Variants in PPP2R3A observed in about 807,000 individuals in gnomAD.
The protein encoded by PPP2R3A is protein phosphatase 2 regulatory subunit B''alpha, also known as serine/threonine-protein phosphatase 2A regulatory subunit B'' subunit alpha.
Under a neutral mutation model 106.9 loss-of-function variants are expected in PPP2R3A, and 80 were observed. That is an observed-to-expected ratio of 0.75 (90% CI 0.62 to 0.90). PPP2R3A has a LOEUF of 0.90. PPP2R3A is among the 40% of genes least tolerant of loss of function. The pLI, the probability that PPP2R3A is intolerant of heterozygous loss-of-function variation, is 0.00. For missense variants in PPP2R3A, 1,386 were observed against 1,350.4 expected (o/e 1.03, Z -0.41); for synonymous variants, 483 against 468.3 (o/e 1.03, Z -0.41).
intron 13 of PPP2R3A, among the ~76,000 whole-genome samples, chr3:136,141,483 T>A (rs893481384): frequency 2.0e-5 from 3 of 152,180 alleles, no homozygotes; most frequent in African/African-American, 7.2e-5. Flanking sequence ...TCCCTACCCC[T>A]TAGGTTTTCT....
chr3:136,022,944 A>G, intron 2 of PPP2R3A: 2 of 1,508,650 alleles, frequency 1.3e-6, no homozygotes, highest in Admixed American at 2.5e-5. Flanking sequence ...CAATGCTTGA[A>G]TTTCATTTCT....
At chr3:136,039,034 GA>G (rs949356919) in intron 3 of PPP2R3A, among the ~76,000 whole-genome samples, 83 of 152,214 alleles carry the variant, frequency 5.5e-4, no homozygotes, top group African/African-American at 1.8e-3. Flanking sequence ...CCCTTGGCTT[GA>G]ATCTTGCCTT....
At chr3:135,993,286 A>G (rs1933252138) in intron 1 of PPP2R3A, among the ~76,000 whole-genome samples, 1 of 152,182 alleles carries the variant, frequency 6.6e-6, no homozygotes, top group Admixed American at 6.6e-5. Context: ...ATATATATGA[A>G]TTTTTAATAA....
chr3:136,138,263 A>G (rs1410135116), intron 13 of PPP2R3A, among the ~76,000 whole-genome samples: 1 of 152,186 alleles, frequency 6.6e-6, no homozygotes, highest in Non-Finnish European at 1.5e-5. Context: ...TACCTACTCT[A>G]TGCCAGGCAC....
chr3:136,114,919 C>T (rs1937684130), intron 13 of PPP2R3A, among the ~76,000 whole-genome samples: 2 of 152,042 alleles, frequency 1.3e-5, no homozygotes, highest in South Asian at 2.1e-4. Context: ...CCCAGCACAA[C>T]GTTTGAGACT....
intron 3 of PPP2R3A, among the ~76,000 whole-genome samples, chr3:136,030,186 C>T (rs956174958): frequency 6.6e-6 from 1 of 151,778 alleles, no homozygotes; most frequent in Non-Finnish European, 1.5e-5. Context: ...CCACCACACT[C>T]CAGCCTGGGT....
chr3:136,005,910 T>TA (rs1378807490), intron 2 of PPP2R3A, among the ~76,000 whole-genome samples: 4 of 152,198 alleles, frequency 2.6e-5, no homozygotes, highest in South Asian at 2.1e-4. Context: ...CTCACTGTGA[T>TA]ACGGTGTTTT....
intron 2 of PPP2R3A, among the ~76,000 whole-genome samples, chr3:136,019,197 T>C (rs754692892): frequency 2.6e-5 from 4 of 152,190 alleles, no homozygotes; most frequent in Admixed American, 6.5e-5. Flanking sequence ...AGCTAGCTTG[T>C]TAGGATGGAC....
At chr3:136,139,857 T>A (rs1015865301) in intron 13 of PPP2R3A, among the ~76,000 whole-genome samples, 33 of 150,684 alleles carry the variant, frequency 2.2e-4, no homozygotes, top group African/African-American at 7.1e-4. Flanking sequence ...ATAAAAAAAA[T>A]TAGCTAGGTG....
At chr3:135,970,048 G>A (rs747631356) in intron 1 of PPP2R3A, among the ~76,000 whole-genome samples, 2 of 152,176 alleles carry the variant, frequency 1.3e-5, no homozygotes, top group Non-Finnish European at 2.9e-5. Flanking sequence ...TGGAATCACT[G>A]AATGATTAAA....
intron 2 of PPP2R3A, among the ~76,000 whole-genome samples, chr3:136,017,370 T>G (rs1265732806): frequency 6.6e-6 from 1 of 152,264 alleles, no homozygotes; most frequent in Non-Finnish European, 1.5e-5. Context: ...GAAGTTTTCC[T>G]TGATTATTCA....
chr3:136,036,707 G>A (rs6796869), intron 3 of PPP2R3A, among the ~76,000 whole-genome samples: 100,189 of 152,060 alleles, frequency 0.66, 35,150 homozygotes, highest in African/African-American at 0.9. Context: ...GTTCTGGAGC[G>A]AAAATTCTCA....
intron 5 of PPP2R3A, among the ~76,000 whole-genome samples, chr3:136,052,557 G>A (rs541268644): frequency 4.6e-5 from 7 of 151,990 alleles, no homozygotes; most frequent in Non-Finnish European, 7.4e-5. Flanking sequence ...TAATCTTTTC[G>A]TGAAAGCTTC....
chr3:136,032,191 T>G (rs1934916392), intron 3 of PPP2R3A, among the ~76,000 whole-genome samples: 2 of 152,230 alleles, frequency 1.3e-5, no homozygotes, highest in Non-Finnish European at 2.9e-5. Flanking sequence ...TGTGATTTCT[T>G]TCAGCAGTGG....
At chr3:135,999,331 T>C (rs934100151) in intron 1 of PPP2R3A, among the ~76,000 whole-genome samples, 1 of 152,136 alleles carries the variant, frequency 6.6e-6, no homozygotes, top group African/African-American at 2.4e-5. Context: ...ACTGGCAGGA[T>C]TGGGCTTCAA....
At chr3:136,023,755 T>TA (rs1241790232) in intron 2 of PPP2R3A, among the ~76,000 whole-genome samples, 1 of 152,090 alleles carries the variant, frequency 6.6e-6, no homozygotes, top group Non-Finnish European at 1.5e-5. Flanking sequence ...GACTGGTGGT[T>TA]ACTTCTAGAT....
chr3:136,049,580 T>C (rs975802701), intron 5 of PPP2R3A, among the ~76,000 whole-genome samples: 7 of 121,138 alleles, frequency 5.8e-5, no homozygotes, highest in Admixed American at 7.9e-5. Flanking sequence ...GAACCCATAG[T>C]AGTAAAAGAG....
In PPP2R3A at chr3:136,058,751, G is replaced by A. The variant is rs144153166; in HGVS notation, c.2469+9390G>A. On this transcript the variant is annotated intron_variant, in intron 5 of 13. Transcript: ENST00000264977. ...TGAAGGCATCATGCTACCCATCTTC[G>A]AACAATGCTACAAGGCTACACAGTG... Among the ~76,000 whole-genome samples the A allele has an allele frequency of 1.6e-3, 248 of 152,158 alleles. 3 individuals carry two copies. Among genetic ancestry groups the A allele is most frequent in the Non-Finnish European group, 2.3e-3 (156 of 67,968 alleles).
intron 9 of PPP2R3A, 141 bp from the exon 10 acceptor site, chr3:136,090,436 GA>G (rs953161234): frequency 1.7e-6 from 1 of 595,200 alleles, no homozygotes; most frequent in Admixed American, 2.9e-5. Context: ...ATAGGCTGTG[GA>G]AGGGTTGCCC....
Sources: gnomAD v4.1 joint callset for allele counts (sites outside exome capture counted in the v4.1 genomes callset) on GRCh38, gnomAD v4.1.1 for gene constraint, MANE v1.5 for transcripts, NCBI Gene and HGNC (gene_info 2026-07-23, HGNC 2026-07-21) for gene names.